The following AK9 variants were observed in gnomAD, a reference collection of about 807,000 sequenced individuals.
The protein encoded by AK9 is adenylate kinase domain containing 1.
In AK9, 191 loss-of-function variants were observed where a neutral mutation model predicts 239.6. The observed-to-expected ratio is 0.80, with a 90% CI of 0.71 to 0.90. AK9 has a LOEUF of 0.90. AK9 is among the 40% of genes least tolerant of loss of function. AK9 has a pLI of 0.00. For missense variants in AK9, 1,995 were observed against 2,214.7 expected (o/e 0.90, Z 1.99); for synonymous variants, 689 against 721.0 (o/e 0.96, Z 0.71).
intron 29 of AK9, chr6:109,528,395 T>C (rs1780783045): frequency 2.7e-6 from 1 of 370,486 alleles, no homozygotes; most frequent in Non-Finnish European, 5.4e-6. Flanking sequence ...TTTGAAACAG[T>C]GTCAGACACA....
chr6:109,515,121 G>A (rs1779145360), intron 31 of AK9, among the ~76,000 whole-genome samples: 1 of 152,176 alleles, frequency 6.6e-6, no homozygotes, highest in Non-Finnish European at 1.5e-5. Flanking sequence ...AGAACTGTGA[G>A]AAAATAATTT....
intron 24 of AK9, among the ~76,000 whole-genome samples, chr6:109,555,759 T>C (rs1053920454): frequency 2.0e-5 from 3 of 152,246 alleles, no homozygotes; most frequent in African/African-American, 7.2e-5. Flanking sequence ...TACCATTATA[T>C]AGTCCCCTTC....
intron 15 of AK9, 98 bp downstream of exon 15, chr6:109,614,085 T>G: frequency 1.6e-6 from 2 of 1,220,636 alleles, no homozygotes; most frequent in Non-Finnish European, 2.3e-6. Flanking sequence ...AAGTTTCCAA[T>G]TTTGGGGGTA....
intron 17 of AK9, among the ~76,000 whole-genome samples, chr6:109,605,333 G>T (rs1156487380): frequency 1.3e-5 from 2 of 152,126 alleles, no homozygotes; most frequent in African/African-American, 4.8e-5. Context: ...AGGTTATGTG[G>T]TCTGCAGCCT....
intron 8 of AK9, among the ~76,000 whole-genome samples, chr6:109,655,523 G>A (rs774462714): frequency 6.6e-6 from 1 of 152,050 alleles, no homozygotes; most frequent in Non-Finnish European, 1.5e-5. Flanking sequence ...TTAATTTCCG[G>A]AAGTTGTGCA....
intron 8 of AK9, among the ~76,000 whole-genome samples, chr6:109,650,855 G>A (rs1378213021): frequency 1.3e-5 from 2 of 152,158 alleles, no homozygotes; most frequent in Non-Finnish European, 2.9e-5. Flanking sequence ...CGACAGACTG[G>A]ATTAAGAAAA....
At chr6:109,592,507 C>A (rs1790407458) in intron 17 of AK9, among the ~76,000 whole-genome samples, 1 of 140,502 alleles carries the variant, frequency 7.1e-6, no homozygotes, top group Non-Finnish European at 1.5e-5. Flanking sequence ...ACTGCAGTGG[C>A]ACTATCTCGG....
intron 29 of AK9, among the ~76,000 whole-genome samples, chr6:109,521,058 T>G (rs1433045756): frequency 2.6e-5 from 4 of 152,126 alleles, no homozygotes; most frequent in African/African-American, 9.6e-5. Context: ...AGAGATAGTT[T>G]AACTTCTTTT....
At chr6:109,558,077 A>G (rs1360697069) in intron 24 of AK9, among the ~76,000 whole-genome samples, 1 of 152,178 alleles carries the variant, frequency 6.6e-6, no homozygotes, top group East Asian at 1.9e-4. Flanking sequence ...TCTTTTGCCC[A>G]TTAAAAAAAT....
intron 17 of AK9, among the ~76,000 whole-genome samples, chr6:109,603,261 CCTTT>C (rs931617805): frequency 5.9e-5 from 9 of 152,100 alleles, no homozygotes; most frequent in Non-Finnish European, 1.0e-4. Flanking sequence ...GTGTGGGTGT[CCTTT>C]CTGTTTGTTA....
intron 29 of AK9, among the ~76,000 whole-genome samples, chr6:109,524,807 G>A (rs1271299434): frequency 6.6e-6 from 1 of 152,166 alleles, no homozygotes; most frequent in African/African-American, 2.4e-5. Flanking sequence ...GATGTTAGTG[G>A]GTTGGAGATG....
At chr6:109,509,120 G>T in intron 33 of AK9, 59 bp downstream of exon 33, 1 of 1,467,860 alleles carries the variant, frequency 6.8e-7, no homozygotes, top group South Asian at 1.3e-5. Flanking sequence ...AATCACGAGC[G>T]AGCAGTTTCT....
intron 5 of AK9, among the ~76,000 whole-genome samples, chr6:109,668,063 T>C (rs1801500380): frequency 6.6e-6 from 1 of 152,220 alleles, no homozygotes; most frequent in Non-Finnish European, 1.5e-5. Flanking sequence ...CCAGCACCTG[T>C]TGTTTCCTGA....
chr6:109,557,233 A>G (rs1785114116), intron 24 of AK9, among the ~76,000 whole-genome samples: 1 of 151,960 alleles, frequency 6.6e-6, no homozygotes, highest in African/African-American at 2.4e-5. Context: ...TTTTCTTTCA[A>G]TAGTCAGGTC....
intron 8 of AK9, among the ~76,000 whole-genome samples, chr6:109,645,725 T>C (rs1244778720): frequency 6.6e-6 from 1 of 152,206 alleles, no homozygotes; most frequent in Non-Finnish European, 1.5e-5. Flanking sequence ...AGCACAGAGT[T>C]TGAGCTCTGA....
chr6:109,577,362 T>G (rs1247404381), intron 20 of AK9, among the ~76,000 whole-genome samples: 1 of 152,216 alleles, frequency 6.6e-6, no homozygotes, highest in African/African-American at 2.4e-5. Context: ...GTGTATTATC[T>G]TTTTGACATG....
At position 109,533,293 on chromosome 6, in the gene AK9, T is replaced by A; in HGVS notation, c.3528A>T (p.Leu1176Phe). Residue 1176 changes from leucine to phenylalanine, a missense_variant, in exon 28 of 41, where the codon TTA becomes TTT. By Grantham distance (22) the Leu-to-Phe change is conservative (BLOSUM62 0). This residue lies in a region of AK9 where 1,290 missense variants were observed against 1,392.7 expected (regional missense o/e 0.93). Transcript: ENST00000424296. ...EKWKLKQKKK[L>F]ERKKLIKDMK... ...TGTCTTTGATCAGTTTCTTCCTTTC[T>A]AATTTCTTCTTTTGTTTTAGTTTCC... 6.2e-7 allele frequency: 1 copy of A among 1,611,460 alleles called. No individual in the cohort carries two copies. The highest frequency in any genetic ancestry group is 8.5e-7 in the Non-Finnish European group (1 of 1,179,192).
rs145213764 is a variant in AK9 at position 109,689,222 on chromosome 6, T to C, written c.-12+1925A>G. ...TTGTAAGTCCTTTTCTTTTAAAAAT[T>C]GAGACTAGCCACTACCTTAAAGAAT... is the stretch of plus-strand genomic sequence containing the variant. On this transcript the variant is annotated intron_variant, in intron 1 of 40. Coordinates refer to ENST00000424296, the MANE Select transcript of AK9 (RefSeq NM_001145128.3). Among the ~76,000 whole-genome samples the C allele has an allele frequency of 3.7e-3, 565 of 152,266 alleles. 5 individuals are homozygous for C. Among genetic ancestry groups the C allele is most frequent in the African/African-American group, 0.013 (539 of 41,554 alleles).
In AK9 at chr6:109,542,154, A is replaced by G. The variant is rs1782979475; in HGVS notation, c.3243T>C (p.Leu1081=). Residue 1081 remains leucine (L), a synonymous_variant, in exon 27 of 41, where the codon CTT becomes CTC. Transcript: ENST00000424296. ...NTKKQLPEVQ[L]TEEEEVIKSS... ...ATTTGATTACTTCTTCTTCTTCTGTAAGTTGTACTTCTGGAAGCTAAAAAC... is the reference window on the plus strand; with the variant it reads ...ATTTGATTACTTCTTCTTCTTCTGTGAGTTGTACTTCTGGAAGCTAAAAAC... 3 of 1,596,382 alleles carry G rather than the reference A, an allele frequency of 1.9e-6. 1 individual carries two copies. The Admixed American group carries it at 5.4e-5, about 29-fold the overall frequency.
Sources: allele counts gnomAD v4.1 joint callset (sites outside exome capture counted in the v4.1 genomes callset), GRCh38; gene constraint gnomAD v4.1.1; regional missense constraint gnomAD v4.1.1; transcripts MANE v1.5; gene names NCBI Gene and HGNC (gene_info 2026-07-23, HGNC 2026-07-21).